The following ITGBL1 variants were observed in gnomAD, a reference collection of about 807,000 sequenced individuals.
The protein encoded by ITGBL1 is integrin subunit beta like 1.
In ITGBL1, 51 loss-of-function variants were observed where a neutral mutation model predicts 68.5. The observed-to-expected ratio is 0.74, with a 90% CI of 0.59 to 0.94. ITGBL1 has a LOEUF of 0.94. Ranked by LOEUF, ITGBL1 falls within the 40% of genes least tolerant of loss-of-function variation. ITGBL1 has a pLI of 0.00. For synonymous variants in ITGBL1, 209 were observed against 227.3 expected (o/e 0.92, Z 0.72); for missense variants, 649 against 647.4 (o/e 1.00, Z -0.03).
chr13:101,528,432 G>C (rs1001019133), intron 2 of ITGBL1, among the ~76,000 whole-genome samples: 1 of 151,402 alleles, frequency 6.6e-6, no homozygotes, highest in Non-Finnish European at 1.5e-5. Context: ...GTCAGCTTTT[G>C]GCCTCATTGA....
intron 2 of ITGBL1, among the ~76,000 whole-genome samples, chr13:101,496,227 G>A (rs2048855747): frequency 6.6e-6 from 1 of 152,186 alleles, no homozygotes; most frequent in African/African-American, 2.4e-5. Flanking sequence ...TCTAGAGGTA[G>A]ACGCTCCCGG....
At chr13:101,687,551 A>G (rs1461020652) in intron 7 of ITGBL1, among the ~76,000 whole-genome samples, 3 of 152,042 alleles carry the variant, frequency 2.0e-5, no homozygotes, top group Non-Finnish European at 1.5e-5. Flanking sequence ...AGTAAAATCT[A>G]TTTTGATCGG....
At chr13:101,693,187 A>G (rs959705047) in intron 8 of ITGBL1, among the ~76,000 whole-genome samples, 6 of 152,160 alleles carry the variant, frequency 3.9e-5, no homozygotes, top group Non-Finnish European at 7.3e-5. Flanking sequence ...AGTGAGGCAG[A>G]TAGAAGGTAG....
Position 101,507,172 on chromosome 13 carries a change from A to C in ITGBL1, c.316+53072A>C, listed in dbSNP as rs115547531. ...GCAACTTCATGAAATCTTCAGGAAG[A>C]TAGTGGTTCCTCATTCATCTATTGA... is the stretch of plus-strand genomic sequence containing the variant. On this transcript the variant is annotated intron_variant, in intron 2 of 10. Coordinates refer to ENST00000376180, the MANE Select transcript of ITGBL1 (RefSeq NM_004791.3). 2.6e-3 allele frequency among the ~76,000 whole-genome samples: 395 copies of C among 152,292 alleles called. 1 individual carries two copies. Among genetic ancestry groups the C allele is most frequent in the African/African-American group, 9.2e-3 (381 of 41,564 alleles).
intron 7 of ITGBL1, among the ~76,000 whole-genome samples, chr13:101,653,230 A>C (rs1298296338): frequency 7.0e-6 from 1 of 142,978 alleles, no homozygotes; most frequent in Non-Finnish European, 1.6e-5. Context: ...AAGGAAGGAG[A>C]AATTTGTGCC....
chr13:101,525,329 T>A lies in ITGBL1; in HGVS notation c.317-42370T>A, dbSNP rs141816586. On this transcript the variant is annotated intron_variant, in intron 2 of 10. Coordinates refer to ENST00000376180, the MANE Select transcript of ITGBL1 (RefSeq NM_004791.3). The stretch of plus-strand genomic sequence containing the variant: ...ATTGTTCACAAAACTGGATTAGTTG[T>A]TAATTACAAATGGCCTAAACTATTT... 1.9e-3 allele frequency among the ~76,000 whole-genome samples: 284 copies of A among 152,274 alleles called. 1 individual carries two copies. Among genetic ancestry groups the A allele is most frequent in the African/African-American group, 6.6e-3 (275 of 41,570 alleles).
At chr13:101,630,695 A>G (rs1252573687) in intron 7 of ITGBL1, among the ~76,000 whole-genome samples, 1 of 152,138 alleles carries the variant, frequency 6.6e-6, no homozygotes, top group South Asian at 2.1e-4. Context: ...TTCAGTTTGT[A>G]TTCCAAATCA....
chr13:101,646,230 C>T (rs960017082), intron 7 of ITGBL1, among the ~76,000 whole-genome samples: 1 of 152,074 alleles, frequency 6.6e-6, no homozygotes, highest in African/African-American at 2.4e-5. Flanking sequence ...CACTGAGTTT[C>T]CCTAAGAATA....
intron 3 of ITGBL1, among the ~76,000 whole-genome samples, chr13:101,571,225 G>A (rs569651628): frequency 6.6e-6 from 1 of 152,016 alleles, no homozygotes; most frequent in African/African-American, 2.4e-5. Flanking sequence ...TACATCTCTA[G>A]TTACTTCTAG....
At chr13:101,655,476 T>C (rs778504071) in intron 7 of ITGBL1, among the ~76,000 whole-genome samples, 1 of 152,222 alleles carries the variant, frequency 6.6e-6, no homozygotes, top group Admixed American at 6.5e-5. Context: ...ATTAAAGCAT[T>C]GATAACACAG....
chr13:101,507,463 A>G (rs1272982473), intron 2 of ITGBL1, among the ~76,000 whole-genome samples: 1 of 152,222 alleles, frequency 6.6e-6, no homozygotes. Flanking sequence ...ACCTATTTCT[A>G]GAATGATTTT....
chr13:101,634,192 A>G (rs938580261), intron 7 of ITGBL1, among the ~76,000 whole-genome samples: 2 of 152,186 alleles, frequency 1.3e-5, no homozygotes, highest in African/African-American at 4.8e-5. Context: ...AAAATGTTCC[A>G]GTTAAAAATT....
Position 101,715,416 on chromosome 13 carries a change from A to T in ITGBL1, c.1394-147A>T, listed in dbSNP as rs2034672791. The stretch of plus-strand genomic sequence containing the variant: ...AGATGTCTCGCAGCTGCTTAATAAG[A>T]TGTAATAATAACATCATTGCACAAT... On this transcript the variant is annotated intron_variant, in intron 10 of 10. Coordinates refer to ENST00000376180, the MANE Select transcript of ITGBL1 (RefSeq NM_004791.3). 1.2e-5 allele frequency: 8 copies of T among 667,520 alleles called. No individual in the cohort carries two copies. In the South Asian group the frequency reaches 1.5e-4, roughly 12 times the overall value. The allele number at this position is 667,520 out of a possible 1,614,324, so 41.3% of individuals were successfully genotyped here. A position where few individuals can be genotyped will look rare whatever the true frequency, so the allele number is the denominator to read the frequency against.
intron 8 of ITGBL1, among the ~76,000 whole-genome samples, chr13:101,697,234 T>TA (rs796442491): frequency 3.3e-5 from 5 of 151,876 alleles, no homozygotes; most frequent in African/African-American, 2.4e-5. Flanking sequence ...CTTTCAAAAT[T>TA]AAAAAAATAT....
intron 2 of ITGBL1, among the ~76,000 whole-genome samples, chr13:101,564,115 A>G (rs1351152443): frequency 6.6e-6 from 1 of 151,918 alleles, no homozygotes; most frequent in African/African-American, 2.4e-5. Flanking sequence ...AATCTGTGCA[A>G]GCTTTTTTGC....
chr13:101,524,999 A>G (rs1325443509), intron 2 of ITGBL1, among the ~76,000 whole-genome samples: 2 of 152,184 alleles, frequency 1.3e-5, no homozygotes, highest in Non-Finnish European at 2.9e-5. Flanking sequence ...ATGAATACCT[A>G]TAATTGAAAT....
chr13:101,531,407 G>T (rs538219947), intron 2 of ITGBL1, among the ~76,000 whole-genome samples: 3 of 151,918 alleles, frequency 2.0e-5, no homozygotes, highest in Non-Finnish European at 4.4e-5. Flanking sequence ...ATTTATCCAG[G>T]TCCTGCTACT....
At chr13:101,457,593 T>C (rs1022752495) in intron 2 of ITGBL1, among the ~76,000 whole-genome samples, 1 of 152,110 alleles carries the variant, frequency 6.6e-6, no homozygotes, top group African/African-American at 2.4e-5. Context: ...TTCCTATGGA[T>C]GTGATGGTCT....
chr13:101,550,428 A>G (rs1164696223), intron 2 of ITGBL1, among the ~76,000 whole-genome samples: 1 of 152,142 alleles, frequency 6.6e-6, no homozygotes, highest in Non-Finnish European at 1.5e-5. Context: ...TTCAAACACC[A>G]CTTGGTTCTC....
Sources: gnomAD v4.1 joint callset for allele counts (sites outside exome capture counted in the v4.1 genomes callset) on GRCh38, gnomAD v4.1.1 for gene constraint, MANE v1.5 for transcripts, NCBI Gene and HGNC (gene_info 2026-07-23, HGNC 2026-07-21) for gene names.